AK7: variants seen among roughly 807,000 people sequenced by gnomAD.
AK7 encodes the protein ATP-AMP transphosphorylase 7.
Under a neutral mutation model 96.6 loss-of-function variants are expected in AK7, and 78 were observed. The ratio of observed to expected loss-of-function variants is 0.81; its 90% confidence interval spans 0.67 to 0.97. The LOEUF is 0.97. AK7 is among the 50% of genes least tolerant of loss of function. The pLI, the probability that AK7 is intolerant of heterozygous loss-of-function variation, is 0.00. For missense variants in AK7, 855 were observed against 887.9 expected (o/e 0.96, Z 0.47); for synonymous variants, 302 against 317.2 (o/e 0.95, Z 0.51).
intron 5 of AK7, among the ~76,000 whole-genome samples, chr14:96,432,091 T>C (rs904776944): frequency 3.2e-4 from 48 of 152,182 alleles, no homozygotes; most frequent in Non-Finnish European, 1.5e-5. Flanking sequence ...TTTTCCTAAT[T>C]GAATACCTTT....
chr14:96,392,254 G>C lies in AK7; in HGVS notation c.100G>C (p.Gly34Arg), dbSNP rs761681729. 5.0e-6 allele frequency: 8 copies of C among 1,611,880 alleles called. No homozygotes were observed. Among genetic ancestry groups the C allele is most frequent in the Non-Finnish European group, 6.8e-6 (8 of 1,178,164 alleles). The change falls in exon 1 of 18, where the codon GGG becomes CGG. Residue 34 changes from glycine to arginine, a missense_variant. Transcript: ENST00000267584. The part of the protein sequence containing the change: ...LLDSYSSGNI[G>R]KFLSNCVVGA... ...GGATTCCTACAGCAGCGGAAACATC[G>C]GGAAGGTGAGCGGCGGCGGCGGCCC...
intron 3 of AK7, among the ~76,000 whole-genome samples, chr14:96,406,470 C>G (rs1361913522): frequency 6.6e-6 from 1 of 152,096 alleles, no homozygotes; most frequent in Non-Finnish European, 1.5e-5. Context: ...TTTTCCTTTT[C>G]TATTTAGAGG....
At position 96,411,388 on chromosome 14, in the gene AK7, G is replaced by A. The variant is rs372107405; in HGVS notation, c.498+2447G>A. 3.5e-4 allele frequency among the ~76,000 whole-genome samples: 53 copies of A among 152,114 alleles called. 1 individual carries two copies. In the South Asian group the frequency reaches 7.3e-3, roughly 21 times the overall value. ...TAGTTGGGTATGGTGGTACGCGCCT[G>A]TAGTCCCAGTTACTCAGGAGGCTGA... is the stretch of plus-strand genomic sequence containing the variant. On this transcript the variant is annotated intron_variant, in intron 4 of 17. Coordinates refer to ENST00000267584, the MANE Select transcript of AK7 (RefSeq NM_152327.5).
chr14:96,446,150 G>A lies in AK7; in HGVS notation c.780-367G>A, dbSNP rs573446407. ...GAGGCTCACACGAGCCCCTAGATGG[G>A]GAGGGCTTCATAAACTGGGGTCCTG... is the stretch of plus-strand genomic sequence containing the variant. On this transcript the variant is annotated intron_variant, in intron 7 of 17. Coordinates refer to ENST00000267584, the MANE Select transcript of AK7 (RefSeq NM_152327.5). Among the ~76,000 whole-genome samples, 7 of 150,052 alleles carry A rather than the reference G, an allele frequency of 4.7e-5. No individual in the cohort carries two copies. The South Asian group carries it at 1.5e-3, about 31-fold the overall frequency.
chr14:96,483,624 G>C (rs1230142211), intron 16 of AK7, among the ~76,000 whole-genome samples: 1 of 151,910 alleles, frequency 6.6e-6, no homozygotes. Context: ...GTTTCACCAT[G>C]TTGGCCAGCC....
chr14:96,437,387 T>C (rs1892698150), intron 5 of AK7, among the ~76,000 whole-genome samples: 1 of 152,128 alleles, frequency 6.6e-6, no homozygotes, highest in Non-Finnish European at 1.5e-5. Context: ...GAATACTGAC[T>C]CCAGTTCTTA....
chr14:96,446,870 A>G (rs1893265130), intron 8 of AK7, among the ~76,000 whole-genome samples: 1 of 151,960 alleles, frequency 6.6e-6, no homozygotes, highest in Non-Finnish European at 1.5e-5. Flanking sequence ...AACCCAGGAG[A>G]CGGTGGTTGC....
At chr14:96,437,065 T>C in intron 5 of AK7, among the ~76,000 whole-genome samples, 1 of 92,724 alleles carries the variant, frequency 1.1e-5, no homozygotes, top group East Asian at 3.9e-4. Context: ...CTGAGAAGGG[T>C]AGTAGGGGGT....
intron 5 of AK7, among the ~76,000 whole-genome samples, chr14:96,425,376 T>C (rs1891961928): frequency 6.6e-6 from 1 of 152,106 alleles, no homozygotes; most frequent in Non-Finnish European, 1.5e-5. Flanking sequence ...TTCTATTCAG[T>C]ATTTTGAGGC....
At chr14:96,458,298 A>G (rs1236749283) in intron 12 of AK7, 86 bp downstream of exon 12, 7 of 1,516,802 alleles carry the variant, frequency 4.6e-6, no homozygotes, top group African/African-American at 1.4e-5. Flanking sequence ...TGTTTAAAAA[A>G]AAAAGACTGA....
chr14:96,486,137 C>T (rs1895760248), intron 16 of AK7, among the ~76,000 whole-genome samples: 1 of 152,196 alleles, frequency 6.6e-6, no homozygotes, highest in Admixed American at 6.5e-5. Flanking sequence ...AAAATGACTT[C>T]ACCATAAAGA....
At chr14:96,435,322 C>T (rs781284297) in intron 5 of AK7, among the ~76,000 whole-genome samples, 2 of 152,096 alleles carry the variant, frequency 1.3e-5, no homozygotes, top group South Asian at 2.1e-4. Flanking sequence ...TGAATGCTGC[C>T]GAGACTAGGT....
intron 7 of AK7, among the ~76,000 whole-genome samples, chr14:96,443,935 G>A (rs1234848145): frequency 1.3e-5 from 2 of 151,848 alleles, no homozygotes; most frequent in East Asian, 3.9e-4. Context: ...CACCATGCCT[G>A]GCTAATTTTT....
At chr14:96,406,687 C>A (rs1177685534) in intron 3 of AK7, among the ~76,000 whole-genome samples, 1 of 151,436 alleles carries the variant, frequency 6.6e-6, no homozygotes, top group Non-Finnish European at 1.5e-5. Context: ...GATATGTATT[C>A]CTTTCTTTTT....
intron 10 of AK7, 94 bp downstream of exon 10, chr14:96,451,664 A>T: frequency 1.6e-6 from 2 of 1,244,220 alleles, no homozygotes; most frequent in Non-Finnish European, 2.1e-6. Context: ...TTGCTTTTTC[A>T]GACGTTCAAA....
chr14:96,452,317 GAAGCA>G (rs1893651520), intron 10 of AK7, among the ~76,000 whole-genome samples: 1 of 151,320 alleles, frequency 6.6e-6, no homozygotes, highest in African/African-American at 2.4e-5. Context: ...TCAAAGAGAT[GAAGCA>G]ACCTTTTTTT....
intron 1 of AK7, among the ~76,000 whole-genome samples, chr14:96,397,688 C>A (rs1309769405): frequency 6.6e-6 from 1 of 152,178 alleles, no homozygotes; most frequent in Non-Finnish European, 1.5e-5. Flanking sequence ...TTGAAACCAG[C>A]CTAGGCAACA....
intron 5 of AK7, 47 bp from the exon 6 acceptor site, chr14:96,437,782 GTATGAC>G: frequency 7.3e-7 from 1 of 1,377,812 alleles, no homozygotes. Context: ...ATCTGGTTCA[GTATGAC>G]TAATAATATT....
intron 12 of AK7, among the ~76,000 whole-genome samples, chr14:96,462,144 G>GA (rs1566800822): frequency 9.2e-5 from 14 of 152,292 alleles, no homozygotes; most frequent in East Asian, 7.7e-4. Flanking sequence ...GCCTCTGTCA[G>GA]GAGAGATGTA....
Sources: allele counts gnomAD v4.1 joint callset (sites outside exome capture counted in the v4.1 genomes callset), GRCh38; gene constraint gnomAD v4.1.1; transcripts MANE v1.5; gene names NCBI Gene and HGNC (gene_info 2026-07-23, HGNC 2026-07-21).